Variants in LVRN observed in about 807,000 individuals in gnomAD.
LVRN encodes the protein aminopeptidase Q.
Under a neutral mutation model 111.4 loss-of-function variants are expected in LVRN, and 99 were observed. That is an observed-to-expected ratio of 0.89 (90% confidence interval 0.76 to 1.05). The LOEUF (loss-of-function observed/expected upper bound fraction) is 1.05, where lower values mean the gene tolerates loss of function less well. Among genes scored for constraint, LVRN ranks in the 50% least tolerant of loss-of-function variants. The probability of loss-of-function intolerance (pLI) is 0.00; values close to 1 mark genes in which losing one functional copy is unlikely to be tolerated. For missense variants in LVRN, 1,414 were observed against 1,206.8 expected (o/e 1.17, Z -2.54); for synonymous variants, 488 against 449.5 (o/e 1.09, Z -1.08).
chr5:116,006,039 C>CTATGATTTTGAT, intron 13 of LVRN, 72 bp downstream of exon 13: 1 of 1,265,890 alleles, frequency 7.9e-7, no homozygotes, highest in Non-Finnish European at 1.1e-6. Context: ...AGCTTCATCA[C>CTATGATTTTGAT]TATGAATTTG....
At chr5:115,994,909 C>A (rs755353051) in intron 6 of LVRN, among the ~76,000 whole-genome samples, 35 of 152,140 alleles carry the variant, frequency 2.3e-4, no homozygotes, top group Non-Finnish European at 4.7e-4. Flanking sequence ...TCTTGGTTTG[C>A]ATCTTCTTCC....
At chr5:115,997,826 T>C (rs191486680) in intron 6 of LVRN, among the ~76,000 whole-genome samples, 1 of 152,140 alleles carries the variant, frequency 6.6e-6, no homozygotes, top group African/African-American at 2.4e-5. Context: ...TTCCCTGCAA[T>C]AGAACTGAAA....
rs1747758094 is a variant in LVRN at position 115,983,330 on chromosome 5, G to A, written c.739G>A (p.Val247Ile). 2 of 1,610,212 alleles carry A rather than the reference G, an allele frequency of 1.2e-6. No individual in the cohort carries two copies. Among genetic ancestry groups the A allele is most frequent in the East Asian group, 4.5e-5 (2 of 44,726 alleles). The change falls in exon 2 of 20, where the codon GTT (valine) becomes ATT (isoleucine). Residue 247 changes from valine to isoleucine, a missense_variant. Coordinates refer to ENST00000357872, the MANE Select transcript of LVRN (RefSeq NM_173800.5). ...SQLEPTFARY[V>I]FPCFDEPALK... ...GCTGGAACCAACATTTGCCAGGTAT[G>A]TTTTCCCTTGTTTTGATGAGCCAGC...
chr5:115,975,231 A>C (rs1753416255), intron 1 of LVRN: 2 of 479,126 alleles, frequency 4.2e-6, no homozygotes, highest in African/African-American at 4.0e-5. Context: ...TCTTGGGTTC[A>C]CACCCCATGT....
rs140210793 is a variant in LVRN at position 116,016,970 on chromosome 5, C to T, written c.2756+1205C>T. 4.6e-3 allele frequency among the ~76,000 whole-genome samples: 702 copies of T among 152,228 alleles called. 3 individuals carry two copies. Among genetic ancestry groups the T allele is most frequent in the African/African-American group, 0.014 (578 of 41,526 alleles). ...CTTTCTAGTAATAAAAAGTTTTAGT[C>T]CTTCTACATCAAGGTGCAGTTCAAA... On this transcript the variant is annotated intron_variant, in intron 18 of 19. Transcript: ENST00000357872.
In LVRN at chr5:115,995,549, A is replaced by T. The variant is rs565974783; in HGVS notation, c.1374+1695A>T. 156 of 152,342 alleles carry T rather than the reference A, an allele frequency of 1.0e-3. 2 individuals carry two copies. Among genetic ancestry groups the T allele is most frequent in the African/African-American group, 3.6e-3 (148 of 41,576 alleles). 9.4% of individuals were successfully genotyped at this position (152,342 alleles called of 1,614,324 possible). On this transcript the variant is annotated intron_variant, in intron 6 of 19. Coordinates refer to ENST00000357872, the MANE Select transcript of LVRN (RefSeq NM_173800.5). ...GGAGACTGAAGTACTGAAAGGTTAAATGACTTGCCAAAGGTAATTTGCCCA... is the reference window on the plus strand; with the variant it reads ...GGAGACTGAAGTACTGAAAGGTTAATTGACTTGCCAAAGGTAATTTGCCCA...
At chr5:115,989,771 G>A (rs1747943640) in intron 4 of LVRN, among the ~76,000 whole-genome samples, 1 of 152,156 alleles carries the variant, frequency 6.6e-6, no homozygotes, top group Admixed American at 6.6e-5. Context: ...TACCCTATGA[G>A]CGCCCATAGG....
At position 115,963,295 on chromosome 5, in the gene LVRN, C is replaced by A. The variant is rs778369338; in HGVS notation, c.678C>A (p.Thr226=). The change falls in exon 1 of 20, where the codon ACC becomes ACA. Residue 226 remains threonine, a synonymous_variant. Transcript: ENST00000357872. ...AGGGACTCTTCCTCAACGTCTACAC[C>A]GACCAGGGCGAGCGCAGGTAAGGGC... ...LREGLFLNVY[T]DQGERRALLA... is the part of the protein sequence containing the mutation. 1.7e-5 allele frequency: 27 copies of A among 1,609,490 alleles called. No homozygotes were observed. In the South Asian group the frequency reaches 2.3e-4, roughly 14 times the overall value.
In LVRN at chr5:115,993,010, A is replaced by T. The variant is rs1344690863; in HGVS notation, c.1261-731A>T. Among the ~76,000 whole-genome samples, 4 of 152,244 alleles carry T rather than the reference A, an allele frequency of 2.6e-5. No homozygotes were observed. The East Asian group carries it at 7.7e-4, about 29-fold the overall frequency. On this transcript the variant is annotated intron_variant, in intron 5 of 19. Transcript: ENST00000357872. ...CCCTGGTGCACAGTAAAACAAACAC[A>T]ATCACAAGTTTTATTAAGTCACCCG...
chr5:116,023,138 TTA>T (rs1363966720), intron 19 of LVRN, among the ~76,000 whole-genome samples: 1 of 152,174 alleles, frequency 6.6e-6, no homozygotes, highest in East Asian at 1.9e-4. Flanking sequence ...ATGAACTGAT[TTA>T]TACCCCCTCC....
intron 1 of LVRN, among the ~76,000 whole-genome samples, chr5:115,977,580 C>G (rs1041722128): frequency 1.3e-5 from 2 of 152,162 alleles, no homozygotes; most frequent in African/African-American, 2.4e-5. Flanking sequence ...TAAAGTTAAT[C>G]TCTAGTCGTC....
chr5:116,013,842 A>C (rs1204603384), intron 15 of LVRN, among the ~76,000 whole-genome samples: 8 of 152,214 alleles, frequency 5.3e-5, no homozygotes, highest in African/African-American at 1.9e-4. Context: ...TTTGAAGTAC[A>C]GTGTACACCC....
In LVRN at chr5:115,962,933, C is replaced by CA. The variant is rs1404540415; in HGVS notation, c.317dup (p.His106GlnfsTer43). On this transcript the variant is annotated frameshift_variant, in exon 1 of 20. Coordinates refer to ENST00000357872, the MANE Select transcript of LVRN (RefSeq NM_173800.5). LOFTEE classifies it high-confidence loss of function. ...CCTGCCGCCCTGGCTCGTGCCGCTG[C>CA]ACTACGATCTGGAGCTGTGGCCGCA... The CA allele has an allele frequency of 1.2e-6, 2 of 1,613,040 alleles. No individual in the cohort carries two copies. The highest frequency in any genetic ancestry group is 1.7e-6 in the Non-Finnish European group (2 of 1,179,772).
intron 6 of LVRN, among the ~76,000 whole-genome samples, chr5:115,998,869 G>A (rs908805610): frequency 1.3e-5 from 2 of 152,140 alleles, no homozygotes; most frequent in African/African-American, 2.4e-5. Context: ...CCTAATCAAT[G>A]GTATTACTAG....
chr5:116,011,382 AAAAG>A (rs1477698057), intron 14 of LVRN, among the ~76,000 whole-genome samples: 1 of 152,152 alleles, frequency 6.6e-6, no homozygotes, highest in Non-Finnish European at 1.5e-5. Flanking sequence ...TGATATTAGG[AAAAG>A]AAAGAGAGAA....
chr5:115,999,960 T>C, intron 7 of LVRN, 58 bp downstream of exon 7: 1 of 1,542,922 alleles, frequency 6.5e-7, no homozygotes, highest in East Asian at 2.3e-5. Flanking sequence ...TTGCATAAAA[T>C]GGATTCTAAG....
At chr5:115,985,132 C>A (rs1277094572) in intron 3 of LVRN, among the ~76,000 whole-genome samples, 1 of 152,118 alleles carries the variant, frequency 6.6e-6, no homozygotes, top group African/African-American at 2.4e-5. Context: ...GGCCAGGCAT[C>A]AACGAGTCAA....
chr5:116,008,901 A>G (rs1385667880), intron 13 of LVRN, among the ~76,000 whole-genome samples: 1 of 152,216 alleles, frequency 6.6e-6, no homozygotes, highest in Non-Finnish European at 1.5e-5. Context: ...TATCCAGAAG[A>G]TCTAGCTAAG....
intron 6 of LVRN, among the ~76,000 whole-genome samples, chr5:115,997,072 C>T (rs1053237451): frequency 6.6e-6 from 1 of 152,072 alleles, no homozygotes; most frequent in Non-Finnish European, 1.5e-5. Context: ...AAGTAATCAC[C>T]GCAGTGGTTA....
Sources: gnomAD v4.1 joint callset for allele counts (sites outside exome capture counted in the v4.1 genomes callset) on GRCh38, gnomAD v4.1.1 for gene constraint, MANE v1.5 for transcripts, NCBI Gene and HGNC (gene_info 2026-07-23, HGNC 2026-07-21) for gene names.